Variants in CLIP1 observed in about 807,000 individuals in gnomAD.
The protein encoded by CLIP1 is CAP-Gly domain containing linker protein 1.
Under a neutral mutation model 161.6 loss-of-function variants are expected in CLIP1, and 66 were observed. The ratio of observed to expected loss-of-function variants is 0.41; its 90% CI spans 0.33 to 0.50. The LOEUF is 0.50. Among genes scored for constraint, CLIP1 ranks in the 20% least tolerant of loss-of-function variants. The pLI is 0.27. For synonymous variants in CLIP1, 598 were observed against 626.2 expected (o/e 0.96, Z 0.67); for missense variants, 1,376 against 1,702.0 (o/e 0.81, Z 3.37).
intron 15 of CLIP1, among the ~76,000 whole-genome samples, chr12:122,331,282 G>A (rs1044917371): frequency 1.3e-5 from 2 of 151,994 alleles, no homozygotes; most frequent in Admixed American, 6.6e-5. Context: ...CAAAGTGCAG[G>A]GAGATTACAG....
In CLIP1 at chr12:122,354,551, G is replaced by C. The variant is rs551778100; in HGVS notation, c.1209C>G (p.Val403=). 3.1e-6 allele frequency: 5 copies of C among 1,613,110 alleles called. No individual in the cohort carries two copies. In the South Asian group the frequency reaches 3.3e-5, roughly 11 times the overall value. Reference sequence around the variant, plus strand: ...GGTCCATTTTGGCTTCCAATTCCAGGACATGCTGGGGAAGGCAAGAATGTC... The same window carrying C: ...GGTCCATTTTGGCTTCCAATTCCAGCACATGCTGGGGAAGGCAAGAATGTC... ...ALARDGHDQH[V]LELEAKMDQL... Residue 403 remains valine (V), a synonymous_variant, in exon 7 of 26, where the codon GTC becomes GTG. Transcript: ENST00000620786.
chr12:122,303,974 C>G (rs180796173), intron 20 of CLIP1, among the ~76,000 whole-genome samples: 2 of 152,194 alleles, frequency 1.3e-5, no homozygotes, highest in African/African-American at 4.8e-5. Context: ...CAGCTCCGTG[C>G]AGACGTTCCT....
intron 20 of CLIP1, among the ~76,000 whole-genome samples, chr12:122,296,926 C>T (rs947599712): frequency 4.7e-5 from 7 of 150,050 alleles, no homozygotes; most frequent in East Asian, 2.0e-4. Context: ...GGGAGTACAG[C>T]GTAGACGAGT....
intron 7 of CLIP1, among the ~76,000 whole-genome samples, chr12:122,353,274 C>G (rs922188365): frequency 6.6e-6 from 1 of 152,112 alleles, no homozygotes; most frequent in African/African-American, 2.4e-5. Context: ...CCCAGGTAGT[C>G]AAGGCTGCAG....
chr12:122,354,813 A>G lies in CLIP1; in HGVS notation c.1204-257T>C, dbSNP rs906915551. On this transcript the variant is annotated intron_variant, in intron 6 of 25. Coordinates refer to ENST00000620786, the MANE Select transcript of CLIP1 (RefSeq NM_001247997.2). ...AACACATATTAAGAGTAATCCACAA[A>G]CAGCAGCTATAATCAATCATTGGTA... The G allele has an allele frequency of 8.5e-5, 49 of 575,076 alleles. No individual in the cohort carries two copies. The Middle Eastern group carries it at 1.4e-3, about 16-fold the overall frequency. The allele number at this position is 575,076 out of a possible 1,614,324, so 35.6% of individuals were successfully genotyped here.
At chr12:122,417,376 G>C (rs946797849) in intron 1 of CLIP1, among the ~76,000 whole-genome samples, 5 of 152,246 alleles carry the variant, frequency 3.3e-5, no homozygotes, top group Admixed American at 1.3e-4. Context: ...TGAGGCAGGA[G>C]GACGGCTTGA....
intron 3 of CLIP1, among the ~76,000 whole-genome samples, chr12:122,369,326 T>C (rs1031329668): frequency 6.6e-6 from 1 of 152,060 alleles, no homozygotes; most frequent in African/African-American, 2.4e-5. Flanking sequence ...CTGGCCACTT[T>C]TGATTACCTC....
Position 122,272,836 on chromosome 12 carries a change from G to A in CLIP1, c.*39C>T, listed in dbSNP as rs756807425. 6.4e-7 allele frequency: 1 copy of A among 1,557,496 alleles called. No individual in the cohort carries two copies. Among genetic ancestry groups the A allele is most frequent in the South Asian group, 1.1e-5 (1 of 89,914 alleles). On this transcript the variant is annotated 3_prime_UTR_variant, in exon 26 of 26. Coordinates refer to ENST00000620786, the MANE Select transcript of CLIP1 (RefSeq NM_001247997.2). ...CTGGTGTTACGTTGTGTCAATGCGA[G>A]TGCGTCTGAGCAAGCCCAGTTCTCC...
intron 8 of CLIP1, 87 bp from the exon 9 acceptor site, chr12:122,351,230 C>A (rs779705542): frequency 2.5e-6 from 2 of 810,146 alleles, no homozygotes; most frequent in Non-Finnish European, 3.7e-6. Flanking sequence ...TTCAAGATAA[C>A]TTTATTTGAT....
At chr12:122,421,537 C>T (rs1410160860) in intron 1 of CLIP1, among the ~76,000 whole-genome samples, 1 of 152,096 alleles carries the variant, frequency 6.6e-6, no homozygotes, top group Non-Finnish European at 1.5e-5. Flanking sequence ...TGCTGAATCA[C>T]ACACACACAA....
chr12:122,378,723 A>G (rs991549995), intron 2 of CLIP1, among the ~76,000 whole-genome samples: 2 of 152,124 alleles, frequency 1.3e-5, no homozygotes, highest in African/African-American at 2.4e-5. Flanking sequence ...TTCCAGGCAC[A>G]GTGGCTCACG....
At chr12:122,338,694 G>C (rs1009024965) in intron 11 of CLIP1, among the ~76,000 whole-genome samples, 2 of 152,024 alleles carry the variant, frequency 1.3e-5, no homozygotes, top group Middle Eastern at 3.2e-3. Flanking sequence ...TCCAGCCTGC[G>C]CAACAGAGTG....
chr12:122,398,381 C>T (rs1255534748), intron 1 of CLIP1, among the ~76,000 whole-genome samples: 4 of 146,986 alleles, frequency 2.7e-5, no homozygotes, highest in Admixed American at 6.8e-5. Flanking sequence ...GCCGAGATCA[C>T]GCCACTGCAC....
chr12:122,348,737 G>A (rs1420647592), intron 9 of CLIP1, among the ~76,000 whole-genome samples: 1 of 152,090 alleles, frequency 6.6e-6, no homozygotes, highest in African/African-American at 2.4e-5. Flanking sequence ...TCAGTTACGT[G>A]CAGTAATTTA....
At chr12:122,422,688 G>C (rs1361948056), upstream of CLIP1, 1 of 139,208 alleles carries the variant, frequency 7.2e-6, no homozygotes, top group African/African-American at 2.6e-5. Flanking sequence ...AAGACGCCGC[G>C]CGGCTCCTCC....
intron 11 of CLIP1, among the ~76,000 whole-genome samples, chr12:122,339,119 A>C (rs1280510360): frequency 1.3e-5 from 2 of 152,206 alleles, no homozygotes; most frequent in African/African-American, 4.8e-5. Flanking sequence ...ATGACATTTA[A>C]CAAGGCTAGT....
At chr12:122,374,287 C>G (rs1293188990) in intron 3 of CLIP1, among the ~76,000 whole-genome samples, 1 of 118,676 alleles carries the variant, frequency 8.4e-6, no homozygotes, top group Admixed American at 9.9e-5. Context: ...CTGGCTAACA[C>G]AGTGAAACCC....
rs925840463 is a variant in CLIP1, at chr12:122,340,779, T to C, written c.2425A>G (p.Ile809Val). 2 of 1,585,552 alleles carry C rather than the reference T, an allele frequency of 1.3e-6. No individual in the cohort carries two copies. Among genetic ancestry groups the C allele is most frequent in the Non-Finnish European group, 1.7e-6 (2 of 1,167,184 alleles). ...AAEKQIKHLEIEKNAESSKAS... is the reference protein window; with the variant it reads ...AAEKQIKHLEVEKNAESSKAS... ...TTGCTACTTTCAGCATTCTTTTCAA[T>C]CTCTAAATGTTTAATCTGTTTCTCA... The change falls in exon 11 of 26, where the codon ATT becomes GTT. Residue 809 changes from isoleucine (I) to valine (V), a missense_variant. Transcript: ENST00000620786.
chr12:122,305,713 G>C (rs891694028), intron 20 of CLIP1, among the ~76,000 whole-genome samples: 1 of 152,080 alleles, frequency 6.6e-6, no homozygotes, highest in African/African-American at 2.4e-5. Context: ...GCTGAGAAAG[G>C]CTGCCCACCT....
Sources: allele counts gnomAD v4.1 joint callset (sites outside exome capture counted in the v4.1 genomes callset), GRCh38; gene constraint gnomAD v4.1.1; transcripts MANE v1.5; gene names NCBI Gene and HGNC (gene_info 2026-07-23, HGNC 2026-07-21).